CHD1: variants seen among roughly 807,000 people sequenced by gnomAD.
The protein encoded by CHD1 is chromodomain helicase DNA binding protein 1, also known as ATP-dependent chromatin remodeler CHD1.
CHD1 carries 36 observed loss-of-function variants against 224.2 expected under a neutral mutation model. The observed-to-expected ratio is 0.16, with a 90% CI of 0.12 to 0.21. The LOEUF is 0.21. Ranked by LOEUF, CHD1 falls within the 10% of genes least tolerant of loss-of-function variation. CHD1 has a pLI of 1.00. For missense variants in CHD1, 1,378 were observed against 1,994.8 expected, an observed-to-expected ratio of 0.69 and a Z score of 5.89; for synonymous variants, 668 against 658.3, an observed-to-expected ratio of 1.01 and a Z score of -0.23.
At position 98,856,276 on chromosome 5, in the gene CHD1, T is replaced by G. The variant is rs761013030; in HGVS notation, c.*104A>C. 1.3e-6 allele frequency: 1 copy of G among 764,056 alleles called. No individual in the cohort carries two copies. The highest frequency in any genetic ancestry group is 2.2e-6 in the Non-Finnish European group (1 of 460,850). The allele number at this position is 764,056 out of a possible 1,614,324, so 47.3% of individuals were successfully genotyped here. ...AAAGAAGTAACAATACTGCTACTGA[T>G]AGAAGATCTGTTTATATCTTTCAAG... On this transcript the variant is annotated 3_prime_UTR_variant, in exon 36 of 36. Coordinates refer to ENST00000614616, the MANE Select transcript of CHD1 (RefSeq NM_001270.4).
chr5:98,897,613 T>C (rs1751426833), intron 10 of CHD1, among the ~76,000 whole-genome samples: 2 of 152,302 alleles, frequency 1.3e-5, no homozygotes, highest in Admixed American at 1.3e-4. Flanking sequence ...CTACGTTAAA[T>C]TGTTCAAAAC....
At chr5:98,869,620 G>GCACACACA (rs758302613) in intron 30 of CHD1, 134 bp downstream of exon 30, 19 of 754,164 alleles carry the variant, frequency 2.5e-5, no homozygotes, top group African/African-American at 5.2e-5. Flanking sequence ...GCACGTGCGC[G>GCACACACA]CGCACACACA....
At chr5:98,877,591 G>A (rs568648833) in intron 23 of CHD1, among the ~76,000 whole-genome samples, 2 of 152,144 alleles carry the variant, frequency 1.3e-5, no homozygotes, top group African/African-American at 4.8e-5. Context: ...TGTAAGTCTT[G>A]GGAGTTTTTC....
In CHD1 at chr5:98,892,547, C is replaced by T; in HGVS notation, c.2158G>A (p.Ala720Thr). ...VEQILRMEMS[A>T]LQKQYYKWIL... is the part of the protein sequence containing the mutation. ...TACTTGTAATATTGTTTCTGTAAAGCACTCATTTCCATTCTTAAAATCTGC... is the reference window on the plus strand; with the variant it reads ...TACTTGTAATATTGTTTCTGTAAAGTACTCATTTCCATTCTTAAAATCTGC... The change falls in exon 15 of 36, where the codon GCT becomes ACT. Residue 720 changes from alanine to threonine, a missense_variant. By Grantham distance (58) the Ala-to-Thr change is moderately conservative. This residue lies in a region of CHD1 where 58 missense variants were observed against 90.0 expected (regional missense o/e 0.64). Transcript: ENST00000614616. 1 of 1,613,152 alleles carries T rather than the reference C, an allele frequency of 6.2e-7. No homozygotes were observed.
At chr5:98,868,351 A>T in intron 31 of CHD1, 144 bp downstream of exon 31, 1 of 598,026 alleles carries the variant, frequency 1.7e-6, no homozygotes, top group Non-Finnish European at 2.6e-6. Flanking sequence ...AAAAAAAAAA[A>T]GACACCCTTC....
At chr5:98,872,663 T>G in intron 26 of CHD1, 108 bp from the exon 27 acceptor site, 1 of 878,948 alleles carries the variant, frequency 1.1e-6, no homozygotes. Flanking sequence ...TAAGTATTCC[T>G]TATTTATATT....
At chr5:98,881,799 C>T (rs903425229) in intron 20 of CHD1, among the ~76,000 whole-genome samples, 176 bp downstream of exon 20, 10 of 152,058 alleles carry the variant, frequency 6.6e-5, no homozygotes, top group African/African-American at 1.7e-4. Flanking sequence ...AAATCTGTAG[C>T]GATGAAACCA....
Position 98,854,991 on chromosome 5 carries a change from A to T in CHD1, c.*1389T>A, listed in dbSNP as rs1010637163. 6.6e-6 allele frequency: 1 copy of T among 152,190 alleles called. No individual in the cohort carries two copies. The highest frequency in any genetic ancestry group is 1.5e-5 in the Non-Finnish European group (1 of 68,026). 9.4% of individuals were successfully genotyped at this position (152,190 alleles called of 1,614,324 possible). On this transcript the variant is annotated 3_prime_UTR_variant, in exon 36 of 36. Coordinates refer to ENST00000614616, the MANE Select transcript of CHD1 (RefSeq NM_001270.4). ...AGGAAGCCAAAAGGGGCCAACAAAA[A>T]TGTCTATGACCTAAGTTTTACTTCA... is the stretch of plus-strand genomic sequence containing the variant.
At chr5:98,913,434 C>T (rs528570415) in intron 2 of CHD1, among the ~76,000 whole-genome samples, 22 of 152,214 alleles carry the variant, frequency 1.4e-4, no homozygotes, top group Admixed American at 1.4e-3. Flanking sequence ...TCAACTGTGC[C>T]ACTGCACTAT....
intron 31 of CHD1, 140 bp from the exon 32 acceptor site, chr5:98,863,726 C>T (rs1466848958): frequency 1.8e-6 from 1 of 557,950 alleles, no homozygotes; most frequent in Admixed American, 4.1e-5. Flanking sequence ...AATCTCACTT[C>T]ACAAATCTTA....
chr5:98,922,680 T>C (rs1453195331), intron 2 of CHD1, among the ~76,000 whole-genome samples: 1 of 152,196 alleles, frequency 6.6e-6, no homozygotes, highest in Non-Finnish European at 1.5e-5. Flanking sequence ...AGAAACAAAG[T>C]ATATTTCTAA....
At chr5:98,908,397 T>A (rs566582272) in intron 2 of CHD1, among the ~76,000 whole-genome samples, 8 of 152,342 alleles carry the variant, frequency 5.3e-5, no homozygotes, top group African/African-American at 1.9e-4. Context: ...ATCTTGGTTA[T>A]GAGCAAACGA....
chr5:98,899,809 T>C, intron 7 of CHD1, 104 bp from the exon 8 acceptor site: 1 of 730,940 alleles, frequency 1.4e-6, no homozygotes, highest in Non-Finnish European at 2.2e-6. Flanking sequence ...TATACTCTTT[T>C]AAATAAAGTA....
At chr5:98,885,688 C>A in intron 17 of CHD1, 39 bp from the exon 18 acceptor site, 1 of 1,073,604 alleles carries the variant, frequency 9.3e-7, no homozygotes, top group Non-Finnish European at 1.4e-6. Context: ...TAAACAGAAT[C>A]AAAGTATTAC....
At chr5:98,900,281 C>CAAA (rs77593613) in intron 7 of CHD1, among the ~76,000 whole-genome samples, 3 of 92,572 alleles carry the variant, frequency 3.2e-5, no homozygotes, top group Admixed American at 1.3e-4. Context: ...GATTCTGTCA[C>CAAA]AAAAAAAAAA....
At position 98,897,420 on chromosome 5, in the gene CHD1, C is replaced by T. The variant is rs932631899; in HGVS notation, c.1366-100G>A. ...TTTACCATAAATTCTTAAATTTCAT[C>T]TCTAATCATCAAGCTCAGAGATTCC... On this transcript the variant is annotated intron_variant, in intron 10 of 35. Transcript: ENST00000614616. 6 of 820,258 alleles carry T rather than the reference C, an allele frequency of 7.3e-6. No individual in the cohort carries two copies. In the Middle Eastern group the frequency reaches 1.5e-3, roughly 209 times the overall value. The allele number at this position is 820,258 out of a possible 1,614,324, so 50.8% of individuals were successfully genotyped here.
Position 98,875,235 on chromosome 5 carries a change from TAAG to T in CHD1, c.3399-125_3399-123del, listed in dbSNP as rs551956013. ...TATAAAAATTCAAGGCACTGTTATC[TAAG>T]AAGAATGAATAAACTATGCTAAAAA... is the stretch of plus-strand genomic sequence containing the variant. On this transcript the variant is annotated intron_variant, in intron 24 of 35. Transcript: ENST00000614616. 1.5e-3 allele frequency: 882 copies of T among 570,086 alleles called. 1 individual carries two copies. Among genetic ancestry groups the T allele is most frequent in the Non-Finnish European group, 2.1e-3 (680 of 324,262 alleles). 35.3% of individuals were successfully genotyped at this position (570,086 alleles called of 1,614,324 possible).
chr5:98,861,270 C>T (rs1748447286), intron 32 of CHD1, among the ~76,000 whole-genome samples: 1 of 152,028 alleles, frequency 6.6e-6, no homozygotes, highest in African/African-American at 2.4e-5. Context: ...TTCACATTTT[C>T]TACAATACTA....
chr5:98,924,047 T>G (rs1320306045), intron 2 of CHD1, among the ~76,000 whole-genome samples: 1 of 152,124 alleles, frequency 6.6e-6, no homozygotes, highest in Admixed American at 6.5e-5. Context: ...CTTGAGCCCA[T>G]GAGTTCAAGA....
Sources: allele counts gnomAD v4.1 joint callset (sites outside exome capture counted in the v4.1 genomes callset), GRCh38; gene constraint gnomAD v4.1.1; regional missense constraint gnomAD v4.1.1; transcripts MANE v1.5; gene names NCBI Gene and HGNC (gene_info 2026-07-23, HGNC 2026-07-21).